DOCK2: variants seen among roughly 807,000 people sequenced by gnomAD.
DOCK2 encodes the protein dedicator of cytokinesis 2.
DOCK2 carries 87 observed loss-of-function variants against 248.9 expected under a neutral mutation model. The observed-to-expected ratio is 0.35, with a 90% confidence interval of 0.29 to 0.42. DOCK2 has a LOEUF of 0.42. DOCK2 is among the 10% of genes least tolerant of loss of function. The pLI is 1.00. For synonymous variants in DOCK2, 805 were observed against 821.6 expected, an observed-to-expected ratio of 0.98 and a Z score of 0.35; for missense variants, 1,747 against 2,300.2, an observed-to-expected ratio of 0.76 and a Z score of 4.92.
At chr5:169,720,775 G>A (rs953249176) in intron 22 of DOCK2, among the ~76,000 whole-genome samples, 1 of 152,164 alleles carries the variant, frequency 6.6e-6, no homozygotes, top group Non-Finnish European at 1.5e-5. Flanking sequence ...GCGCAATCAC[G>A]GCTAGAGGGC....
intron 30 of DOCK2, among the ~76,000 whole-genome samples, chr5:170,004,143 C>T (rs1290681233): frequency 6.6e-6 from 1 of 152,200 alleles, no homozygotes; most frequent in Non-Finnish European, 1.5e-5. Context: ...TGCTATGACT[C>T]ATAATAGTCA....
chr5:169,843,696 G>A (rs1344119443), intron 27 of DOCK2, among the ~76,000 whole-genome samples: 3 of 152,064 alleles, frequency 2.0e-5, no homozygotes, highest in Non-Finnish European at 4.4e-5. Flanking sequence ...AGTTCCATTT[G>A]CAGTCACTTT....
intron 25 of DOCK2, among the ~76,000 whole-genome samples, chr5:169,781,238 A>C (rs1476489589): frequency 6.6e-6 from 1 of 152,216 alleles, no homozygotes; most frequent in East Asian, 1.9e-4. Flanking sequence ...GAGAACGTGC[A>C]AACTCCACAG....
intron 27 of DOCK2, among the ~76,000 whole-genome samples, chr5:169,954,249 A>G (rs551328357): frequency 3.1e-4 from 47 of 152,256 alleles, no homozygotes; most frequent in Non-Finnish European, 5.3e-4. Context: ...ATCGCTGGAC[A>G]TTTTTGAAAA....
chr5:169,881,192 G>A (rs964937557), intron 27 of DOCK2, among the ~76,000 whole-genome samples: 5 of 152,288 alleles, frequency 3.3e-5, no homozygotes, highest in African/African-American at 9.6e-5. Flanking sequence ...TATGCTCATA[G>A]ACTTTGTTCT....
chr5:170,045,911 G>A lies in DOCK2; in HGVS notation c.3966+6G>A, dbSNP rs772178513. 1.2e-6 allele frequency: 2 copies of A among 1,614,060 alleles called. No homozygotes were observed. Among genetic ancestry groups the A allele is most frequent in the Non-Finnish European group, 1.7e-6 (2 of 1,179,950 alleles). On this transcript the variant is annotated splice_donor_region_variant and intron_variant, in intron 39 of 51. Transcript: ENST00000520908. The stretch of plus-strand genomic sequence containing the variant: ...AGCTGCTCAGCCAGAACCTGGTAAG[G>A]CATCCCCTGGGAAGGCTGAATGCCC...
intron 27 of DOCK2, among the ~76,000 whole-genome samples, chr5:169,922,969 C>T (rs1213934214): frequency 1.3e-5 from 2 of 152,160 alleles, no homozygotes; most frequent in Non-Finnish European, 2.9e-5. Flanking sequence ...TTGTAAATAT[C>T]GAATTGTGAA....
intron 25 of DOCK2, among the ~76,000 whole-genome samples, chr5:169,789,788 T>C (rs1002446446): frequency 1.3e-5 from 2 of 152,224 alleles, no homozygotes; most frequent in African/African-American, 4.8e-5. Flanking sequence ...GTCTGTCTCA[T>C]CTCTCTATCT....
In DOCK2 at chr5:169,793,030, C is replaced by T. The variant is rs1226609148; in HGVS notation, c.2555-10028C>T. On this transcript the variant is annotated intron_variant, in intron 25 of 51. Coordinates refer to ENST00000520908, the MANE Select transcript of DOCK2 (RefSeq NM_004946.3). Reference sequence around the variant, plus strand: ...ACACTATTTATGTCCTAGTAGCTTTCAGAAGGCGTGATGATAGGCTATCTC... The same window carrying T: ...ACACTATTTATGTCCTAGTAGCTTTTAGAAGGCGTGATGATAGGCTATCTC... Among the ~76,000 whole-genome samples, 4 of 152,142 alleles carry T rather than the reference C, an allele frequency of 2.6e-5. No homozygotes were observed. The East Asian group carries it at 7.7e-4, about 29-fold the overall frequency.
At chr5:170,009,748 A>C (rs761578236) in intron 32 of DOCK2, among the ~76,000 whole-genome samples, 67 of 152,172 alleles carry the variant, frequency 4.4e-4, no homozygotes, top group Non-Finnish European at 9.0e-4. Context: ...TTTAGGCAGC[A>C]GTTGCATGCC....
At chr5:169,855,501 A>G (rs1045398701) in intron 27 of DOCK2, among the ~76,000 whole-genome samples, 1 of 152,196 alleles carries the variant, frequency 6.6e-6, no homozygotes, top group African/African-American at 2.4e-5. Context: ...TTGTAGGGGA[A>G]GGAATTTTTA....
chr5:170,076,254 G>A (rs973761334), intron 47 of DOCK2, among the ~76,000 whole-genome samples, 170 bp downstream of exon 47: 3 of 152,078 alleles, frequency 2.0e-5, no homozygotes, highest in Non-Finnish European at 4.4e-5. Flanking sequence ...CTGGAAACTT[G>A]GTCCAGCAAA....
chr5:169,817,967 G>A (rs994249069), intron 26 of DOCK2, among the ~76,000 whole-genome samples: 3 of 152,200 alleles, frequency 2.0e-5, no homozygotes, highest in African/African-American at 7.2e-5. Flanking sequence ...TAAATCTTCT[G>A]CTTTTGCATT....
intron 32 of DOCK2, among the ~76,000 whole-genome samples, chr5:170,017,850 C>T (rs965835490): frequency 1.3e-5 from 2 of 152,226 alleles, no homozygotes; most frequent in African/African-American, 4.8e-5. Context: ...CTTCTGCGCT[C>T]TGTGCTAAGT....
chr5:169,915,044 G>A (rs760689996), intron 27 of DOCK2, among the ~76,000 whole-genome samples: 13 of 152,194 alleles, frequency 8.5e-5, no homozygotes, highest in Non-Finnish European at 1.8e-4. Flanking sequence ...CCTGGACAGC[G>A]ACCAGCTGTC....
At chr5:169,695,026 T>A (rs1315093902) in intron 9 of DOCK2, among the ~76,000 whole-genome samples, 1 of 152,214 alleles carries the variant, frequency 6.6e-6, no homozygotes, top group Non-Finnish European at 1.5e-5. Context: ...TGCAGTTTCC[T>A]GACCCCTTGA....
rs1258626329 is a variant in DOCK2 at position 169,657,836 on chromosome 5, TGTA to T, written c.127+3353_127+3355del. Among the ~76,000 whole-genome samples the T allele has an allele frequency of 4.6e-5, 7 of 152,326 alleles. No individual in the cohort carries two copies. In the East Asian group the frequency reaches 1.4e-3, roughly 29 times the overall value. ...GGCCAGTCCACTGTACAAATAGTCATGTAGTTGAGGAATGAAATGCCAGATGCC... is the reference window on the plus strand; with the variant it reads ...GGCCAGTCCACTGTACAAATAGTCATGTTGAGGAATGAAATGCCAGATGCC... On this transcript the variant is annotated intron_variant, in intron 2 of 51. Transcript: ENST00000520908.
chr5:169,894,618 C>G (rs1166003478), intron 27 of DOCK2, among the ~76,000 whole-genome samples: 1 of 152,116 alleles, frequency 6.6e-6, no homozygotes. Flanking sequence ...CTCGGTGGCA[C>G]AAGCAGTTTG....
At chr5:169,831,575 C>G (rs1334038194) in intron 26 of DOCK2, among the ~76,000 whole-genome samples, 12 of 152,192 alleles carry the variant, frequency 7.9e-5, no homozygotes, top group Non-Finnish European at 1.5e-5. Context: ...GTCAGGCAGG[C>G]CTGGGCTGGA....
Sources: allele counts gnomAD v4.1 joint callset (sites outside exome capture counted in the v4.1 genomes callset), GRCh38; gene constraint gnomAD v4.1.1; transcripts MANE v1.5; gene names NCBI Gene and HGNC (gene_info 2026-07-23, HGNC 2026-07-21).